PDE1C: variants seen among roughly 807,000 people sequenced by gnomAD.
PDE1C encodes the protein phosphodiesterase 1C.
Under a neutral mutation model 93.1 loss-of-function variants are expected in PDE1C, and 62 were observed. That is an observed-to-expected ratio of 0.67 (90% CI 0.54 to 0.82). The LOEUF (loss-of-function observed/expected upper bound fraction) is 0.82, where lower values mean the gene tolerates loss of function less well. Ranked by LOEUF, PDE1C falls within the 40% of genes least tolerant of loss-of-function variation. The pLI, the probability that PDE1C is intolerant of heterozygous loss-of-function variation, is 0.00. For missense variants in PDE1C, 742 were observed against 884.6 expected (o/e 0.84, Z 2.04); for synonymous variants, 325 against 310.1 (o/e 1.05, Z -0.50).
At chr7:31,965,933 T>A (rs1462303002) in intron 2 of PDE1C, among the ~76,000 whole-genome samples, 2 of 152,176 alleles carry the variant, frequency 1.3e-5, no homozygotes, top group Non-Finnish European at 2.9e-5. Context: ...CCACCAGGCC[T>A]GCCCTAAAAG....
chr7:31,631,095 G>A, the PDE1C span, among the ~76,000 whole-genome samples: 8 of 152,142 alleles, frequency 5.3e-5, no homozygotes, highest in African/African-American at 1.9e-4. Flanking sequence ...ATCTTTTAAG[G>A]TATACCATTG....
chr7:32,088,518 A>C (rs1211476625), intron 3 of PDE1C, among the ~76,000 whole-genome samples: 1 of 152,258 alleles, frequency 6.6e-6, no homozygotes, highest in Non-Finnish European at 1.5e-5. Flanking sequence ...GGAGCCCTGC[A>C]GTGGTGAGGA....
intron 6 of PDE1C, among the ~76,000 whole-genome samples, 178 bp downstream of exon 6, chr7:31,873,114 C>T (rs531385230): frequency 1.3e-5 from 2 of 152,144 alleles, no homozygotes; most frequent in African/African-American, 4.8e-5. Flanking sequence ...CCAGCAAGGG[C>T]GCAATCAAAA....
At chr7:32,406,222 A>G (rs1785049205) in intron 1 of PDE1C, among the ~76,000 whole-genome samples, 1 of 152,184 alleles carries the variant, frequency 6.6e-6, no homozygotes, top group African/African-American at 2.4e-5. Context: ...GGAATTCTCC[A>G]CCACACTTCT....
chr7:32,223,591 C>A (rs1807038567), intron 1 of PDE1C, among the ~76,000 whole-genome samples: 1 of 152,168 alleles, frequency 6.6e-6, no homozygotes, highest in African/African-American at 2.4e-5. Flanking sequence ...GTCTCAAGCA[C>A]CTATCAATAT....
chr7:31,955,033 G>A (rs942250562), intron 2 of PDE1C, among the ~76,000 whole-genome samples: 3 of 152,178 alleles, frequency 2.0e-5, no homozygotes, highest in East Asian at 1.9e-4. Flanking sequence ...ATAACTTTTC[G>A]CTCAGTCCCA....
intron 1 of PDE1C, among the ~76,000 whole-genome samples, chr7:32,214,076 G>A (rs960639528): frequency 2.0e-5 from 3 of 151,910 alleles, no homozygotes; most frequent in African/African-American, 7.3e-5. Flanking sequence ...GGATATGTTT[G>A]TATATATATG....
intron 1 of PDE1C, among the ~76,000 whole-genome samples, chr7:32,066,552 A>G (rs1187928389): frequency 6.6e-6 from 1 of 152,174 alleles, no homozygotes; most frequent in Non-Finnish European, 1.5e-5. Flanking sequence ...TAAAAAATGC[A>G]GCATAGAAAC....
At chr7:31,897,426 C>T (rs1381807125) in intron 2 of PDE1C, among the ~76,000 whole-genome samples, 1 of 152,108 alleles carries the variant, frequency 6.6e-6, no homozygotes. Context: ...ATCTTTGAAA[C>T]CAGTTTTTCT....
chr7:31,977,691 T>C (rs909764016), intron 2 of PDE1C, among the ~76,000 whole-genome samples: 4 of 152,240 alleles, frequency 2.6e-5, no homozygotes, highest in Non-Finnish European at 4.4e-5. Context: ...GTGTTCATCT[T>C]GTTTGTACAC....
intron 2 of PDE1C, among the ~76,000 whole-genome samples, chr7:32,196,057 CAGTT>C (rs1804589484): frequency 6.6e-6 from 1 of 152,192 alleles, no homozygotes; most frequent in Admixed American, 6.5e-5. Flanking sequence ...TGGTTACTGT[CAGTT>C]AGAAGTGGCA....
chr7:31,792,148 T>C (rs1303742753), intron 16 of PDE1C, among the ~76,000 whole-genome samples: 1 of 152,098 alleles, frequency 6.6e-6, no homozygotes, highest in African/African-American at 2.4e-5. Context: ...CCCAAACACA[T>C]GCCCTCTAAA....
chr7:32,259,471 C>T (rs1810039158), intron 1 of PDE1C, among the ~76,000 whole-genome samples: 1 of 152,148 alleles, frequency 6.6e-6, no homozygotes, highest in African/African-American at 2.4e-5. Context: ...TAAATTTGGA[C>T]TCTGCCTCCC....
chr7:32,393,683 A>G (rs1784792465), intron 1 of PDE1C, among the ~76,000 whole-genome samples: 1 of 152,210 alleles, frequency 6.6e-6, no homozygotes, highest in Admixed American at 6.5e-5. Flanking sequence ...TTTAGAAAGC[A>G]TAGACCTAGA....
chr7:32,155,547 G>C (rs570190069), intron 3 of PDE1C, among the ~76,000 whole-genome samples: 1 of 152,188 alleles, frequency 6.6e-6, no homozygotes, highest in Non-Finnish European at 1.5e-5. Context: ...AGTGAACGTG[G>C]CTGATTAACC....
At chr7:31,653,984 G>A in the PDE1C span, among the ~76,000 whole-genome samples, 12 of 148,154 alleles carry the variant, frequency 8.1e-5, no homozygotes, top group African/African-American at 3.0e-4. Flanking sequence ...TACTATTCTA[G>A]TGCTGGAGAC....
chr7:32,008,951 G>A (rs1265613157), intron 2 of PDE1C, among the ~76,000 whole-genome samples: 6 of 151,576 alleles, frequency 4.0e-5, no homozygotes, highest in Non-Finnish European at 5.9e-5. Flanking sequence ...AAAGGCTATA[G>A]ATTCCTCCAA....
chr7:31,841,200 C>CCTCTGTCTCT (rs1791816332), intron 9 of PDE1C, among the ~76,000 whole-genome samples: 1 of 40,192 alleles, frequency 2.5e-5, no homozygotes, highest in African/African-American at 9.0e-5. Context: ...TGTCTCTCTC[C>CCTCTGTCTCT]CTCTCTCTGT....
In PDE1C at chr7:31,848,046, T is replaced by C. The variant is rs1266861713; in HGVS notation, c.902A>G (p.His301Arg). ...YNDRSVLENHHLSAAYRLLQD... is the reference protein window; with the variant it reads ...YNDRSVLENHRLSAAYRLLQD... ...CAGAAGGCGATAAGCTGCACTTAAA[T>C]GGTGATTCTCCAGTACAGATCTGTC... is the stretch of plus-strand genomic sequence containing the variant. Residue 301 changes from histidine (H) to arginine (R), a missense_variant, in exon 9 of 18, where the codon CAT becomes CGT. By Grantham distance (29) the His-to-Arg change is conservative. Transcript: ENST00000396191. 4 of 1,613,170 alleles carry C rather than the reference T, an allele frequency of 2.5e-6. No individual in the cohort carries two copies. The highest frequency in any genetic ancestry group is 3.4e-6 in the Non-Finnish European group (4 of 1,179,462).
Sources: allele counts gnomAD v4.1 joint callset (sites outside exome capture counted in the v4.1 genomes callset), GRCh38; gene constraint gnomAD v4.1.1; transcripts MANE v1.5; gene names NCBI Gene and HGNC (gene_info 2026-07-23, HGNC 2026-07-21).